PIK3C2A: variants seen among roughly 807,000 people sequenced by gnomAD.
PIK3C2A encodes the protein phosphatidylinositol 4-phosphate 3-kinase C2 domain-containing subunit alpha.
In PIK3C2A, 97 loss-of-function variants were observed where a neutral mutation model predicts 204.5. That is an observed-to-expected ratio of 0.47 (90% CI 0.40 to 0.56). The LOEUF (loss-of-function observed/expected upper bound fraction) is 0.56, where lower values mean the gene tolerates loss of function less well. Ranked by LOEUF, PIK3C2A falls within the 20% of genes least tolerant of loss-of-function variation. The probability of loss-of-function intolerance (pLI) is 0.00; values close to 1 mark genes in which losing one functional copy is unlikely to be tolerated. For synonymous variants in PIK3C2A, 653 were observed against 664.4 expected, an observed-to-expected ratio of 0.98 and a Z score of 0.26; for missense variants, 1,735 against 1,969.2, an observed-to-expected ratio of 0.88 and a Z score of 2.25.
chr11:17,194,388 C>T (rs1852066595), intron 1 of PIK3C2A: 1 of 218,128 alleles, frequency 4.6e-6, no homozygotes, highest in Non-Finnish European at 9.2e-6. Flanking sequence ...GGGGTCCTCA[C>T]CTCCTGTGCT....
chr11:17,172,918 G>A (rs926638044), intron 1 of PIK3C2A, among the ~76,000 whole-genome samples: 7 of 152,080 alleles, frequency 4.6e-5, no homozygotes, highest in African/African-American at 7.2e-5. Flanking sequence ...TAACATTCCC[G>A]TTTAGATTCC....
chr11:17,175,469 T>C (rs7128367), intron 1 of PIK3C2A, among the ~76,000 whole-genome samples: 21 of 152,230 alleles, frequency 1.4e-4, no homozygotes, highest in African/African-American at 4.6e-4. Flanking sequence ...GCTCCATTAA[T>C]TTTTTAAAAT....
chr11:17,120,353 A>G (rs1849332126), intron 15 of PIK3C2A, among the ~76,000 whole-genome samples: 1 of 152,134 alleles, frequency 6.6e-6, no homozygotes, highest in Non-Finnish European at 1.5e-5. Flanking sequence ...TGCTATGAAA[A>G]AAAAAATACT....
chr11:17,097,397 C>T, intron 26 of PIK3C2A, 133 bp from the exon 27 acceptor site: 1 of 628,302 alleles, frequency 1.6e-6, no homozygotes, highest in South Asian at 2.0e-5. Context: ...CAAGGATTCC[C>T]TTTGTTCTAC....
Position 17,207,090 on chromosome 11 carries a change from C to G in PIK3C2A, c.-66+758G>C, listed in dbSNP as rs1479308539. On this transcript the variant is annotated intron_variant, in intron 1 of 32. Coordinates refer to ENST00000691414, the MANE Select transcript of PIK3C2A (RefSeq NM_002645.4). ...CTCATTTCCCTCCTCAATCCCTCCTCCCCCAAAAAATAATTCCACAGCTAG... is the reference window on the plus strand; with the variant it reads ...CTCATTTCCCTCCTCAATCCCTCCTGCCCCAAAAAATAATTCCACAGCTAG... Among the ~76,000 whole-genome samples, 3 of 152,136 alleles carry G rather than the reference C, an allele frequency of 2.0e-5. No homozygotes were observed. The East Asian group carries it at 5.8e-4, about 29-fold the overall frequency.
At chr11:17,101,168 T>C in intron 25 of PIK3C2A, 110 bp downstream of exon 25, 1 of 641,156 alleles carries the variant, frequency 1.6e-6, no homozygotes, top group Non-Finnish European at 2.6e-6. Context: ...GTATCTGACA[T>C]TTGTGACTAA....
At chr11:17,128,272 G>GTT (rs1849586712) in intron 13 of PIK3C2A, among the ~76,000 whole-genome samples, 2 of 127,812 alleles carry the variant, frequency 1.6e-5, no homozygotes, top group African/African-American at 6.0e-5. Flanking sequence ...CTTTAGAGAT[G>GTT]CTTTTTTTTT....
At position 17,088,153 on chromosome 11, in the gene PIK3C2A, C is replaced by G. The variant is rs1328736806; in HGVS notation, c.*1585G>C. The G allele has an allele frequency of 6.9e-6, 1 of 144,692 alleles. No homozygotes were observed. Among genetic ancestry groups the G allele is most frequent in the Non-Finnish European group, 1.6e-5 (1 of 63,906 alleles). 9.0% of individuals were successfully genotyped at this position (144,692 alleles called of 1,614,324 possible). ...TACCATTTTTAAAGTATCTGTATTT[C>G]TATTCTAACCATGAGTTCTTATTAT... is the stretch of plus-strand genomic sequence containing the variant. On this transcript the variant is annotated 3_prime_UTR_variant, in exon 33 of 33. Transcript: ENST00000691414.
intron 1 of PIK3C2A, among the ~76,000 whole-genome samples, chr11:17,172,704 T>A (rs1402763405): frequency 6.6e-6 from 1 of 152,246 alleles, no homozygotes; most frequent in Non-Finnish European, 1.5e-5. Context: ...TTTCTTTTCC[T>A]TTCTAAGGCG....
chr11:17,140,106 G>C (rs1014828237), intron 8 of PIK3C2A, among the ~76,000 whole-genome samples: 3 of 152,078 alleles, frequency 2.0e-5, no homozygotes, highest in Admixed American at 6.6e-5. Flanking sequence ...TAAAGGCCAG[G>C]AGTAATCAAA....
intron 1 of PIK3C2A, among the ~76,000 whole-genome samples, chr11:17,185,582 G>T (rs1384742018): frequency 6.6e-6 from 1 of 152,096 alleles, no homozygotes; most frequent in Non-Finnish European, 1.5e-5. Flanking sequence ...TGAGAGAAAT[G>T]ATTATACACT....
At chr11:17,091,956 G>A (rs748723501) in intron 30 of PIK3C2A, 40 bp downstream of exon 30, 8 of 1,234,556 alleles carry the variant, frequency 6.5e-6, no homozygotes, top group Non-Finnish European at 9.6e-6. Flanking sequence ...CAGACTTGCA[G>A]ATCATGAGTT....
At chr11:17,166,382 A>C (rs376954108) in intron 2 of PIK3C2A, among the ~76,000 whole-genome samples, 1 of 152,228 alleles carries the variant, frequency 6.6e-6, no homozygotes, top group Non-Finnish European at 1.5e-5. Flanking sequence ...AGCTTTGGAC[A>C]GTAAATAACC....
chr11:17,134,807 A>G lies in PIK3C2A; in HGVS notation c.2108+12T>C. On this transcript the variant is annotated intron_variant, in intron 11 of 32. Transcript: ENST00000691414. ...CAAGCCACCATGCCTGGCTGCTTAAACAGTTACTTACTTTGATACCCAATT... is the reference window on the plus strand; with the variant it reads ...CAAGCCACCATGCCTGGCTGCTTAAGCAGTTACTTACTTTGATACCCAATT... The G allele has an allele frequency of 6.3e-7, 1 of 1,597,062 alleles. No individual in the cohort carries two copies. The highest frequency in any genetic ancestry group is 8.6e-7 in the Non-Finnish European group (1 of 1,164,450).
intron 6 of PIK3C2A, 68 bp from the exon 7 acceptor site, chr11:17,146,010 T>C: frequency 1.8e-6 from 2 of 1,086,206 alleles, no homozygotes; most frequent in South Asian, 1.4e-5. Flanking sequence ...AAATTAAATA[T>C]AGTTAAGTGT....
At position 17,138,562 on chromosome 11, in the gene PIK3C2A, C is replaced by T. The variant is rs141017609; in HGVS notation, c.1705-1937G>A. 5.9e-3 allele frequency among the ~76,000 whole-genome samples: 891 copies of T among 152,200 alleles called. 10 individuals are homozygous for T. The highest frequency in any genetic ancestry group is 0.02 in the African/African-American group (849 of 41,532). The stretch of plus-strand genomic sequence containing the variant: ...ACAGTCCTCAGAGTGTTTTACTGTC[C>T]TTTTTTCCTCAGCCTAGAGGTGACA... On this transcript the variant is annotated intron_variant, in intron 8 of 32. Transcript: ENST00000691414.
Position 17,099,954 on chromosome 11 carries a change from A to C in PIK3C2A, c.4024T>G (p.Leu1342Val), listed in dbSNP as rs780608635. The C allele has an allele frequency of 6.5e-7, 1 of 1,548,122 alleles. No individual in the cohort carries two copies. Among genetic ancestry groups the C allele is most frequent in the South Asian group, 1.1e-5 (1 of 88,364 alleles). Residue 1342 changes from leucine (L) to valine (V), a missense_variant, in exon 26 of 33, where the codon TTA becomes GTA. Leu to Val is a conservative substitution (Grantham distance 32). Around this residue, in one of 6 missense-constraint regions of PIK3C2A, gnomAD observed 503 missense variants for 669.0 expected, o/e 0.75. Coordinates refer to ENST00000691414, the MANE Select transcript of PIK3C2A (RefSeq NM_002645.4). Reference protein sequence around the residue: ...NLLSLMIPSGLPELTSIQDLK... With the variant: ...NLLSLMIPSGVPELTSIQDLK... ...TCTTGAATACTTGTAAGTTCTGGTA[A>C]CCCTGAAGGAATCATCTGTAGAAGA...
intron 2 of PIK3C2A, among the ~76,000 whole-genome samples, chr11:17,163,032 C>T (rs759169143): frequency 6.6e-6 from 1 of 152,074 alleles, no homozygotes; most frequent in Non-Finnish European, 1.5e-5. Context: ...TTTGGCCAGG[C>T]ACGGTGGCCA....
intron 1 of PIK3C2A, among the ~76,000 whole-genome samples, chr11:17,190,808 G>T (rs1190225394): frequency 6.6e-6 from 1 of 151,888 alleles, no homozygotes; most frequent in Admixed American, 6.6e-5. Flanking sequence ...GAAAAAGAGG[G>T]GGAAGGGTAT....
Sources: allele counts gnomAD v4.1 joint callset (sites outside exome capture counted in the v4.1 genomes callset), GRCh38; gene constraint gnomAD v4.1.1; regional missense constraint gnomAD v4.1.1; transcripts MANE v1.5; gene names NCBI Gene and HGNC (gene_info 2026-07-23, HGNC 2026-07-21).